Variants in RARB observed in about 807,000 individuals in gnomAD.
RARB encodes the protein HBV-activated protein.
Under a neutral mutation model 51.9 loss-of-function variants are expected in RARB, and 17 were observed. That is an observed-to-expected ratio of 0.33 (90% CI 0.22 to 0.49). The LOEUF (loss-of-function observed/expected upper bound fraction) is 0.49, where lower values mean the gene tolerates loss of function less well. Ranked by LOEUF, RARB falls within the 20% of genes least tolerant of loss-of-function variation. The pLI, the probability that RARB is intolerant of heterozygous loss-of-function variation, is 0.99. For missense variants in RARB, 369 were observed against 550.8 expected (o/e 0.67, Z 3.30); for synonymous variants, 215 against 195.4 (o/e 1.10, Z -0.84).
rs145389928 is a variant in RARB, at chr3:25,169,413, T to C, written c.-279-4706T>C. Among the ~76,000 whole-genome samples the C allele has an allele frequency of 4.3e-3, 658 of 152,306 alleles. 3 individuals are homozygous for C. Among genetic ancestry groups the C allele is most frequent in the African/African-American group, 0.015 (626 of 41,564 alleles). On this transcript the variant is annotated intron_variant, in intron 4 of 11. Coordinates refer to the RARB transcript ENST00000383772. ...ATGCCAGACAAAATTGCTGGAGACT[T>C]AGCAAAGAATTATTCACGGATATAA...
At chr3:25,274,795 G>A (rs995121196) in intron 5 of RARB, among the ~76,000 whole-genome samples, 8 of 152,154 alleles carry the variant, frequency 5.3e-5, no homozygotes, top group Non-Finnish European at 8.8e-5. Flanking sequence ...AATACAGGAA[G>A]GGGAGAGGAA....
At chr3:25,543,944 G>A (rs1699498233) in intron 3 of RARB, among the ~76,000 whole-genome samples, 1 of 152,204 alleles carries the variant, frequency 6.6e-6, no homozygotes, top group Non-Finnish European at 1.5e-5. Context: ...ATTTTAAAGA[G>A]TAATGAAAAA....
intron 5 of RARB, among the ~76,000 whole-genome samples, chr3:25,230,217 A>T (rs1702144545): frequency 6.6e-6 from 1 of 152,156 alleles, no homozygotes; most frequent in Non-Finnish European, 1.5e-5. Flanking sequence ...GATTAAGAAC[A>T]GCAAGATTAT....
chr3:25,068,115 CAG>C (rs1183779921), intron 3 of RARB, among the ~76,000 whole-genome samples: 1 of 109,784 alleles, frequency 9.1e-6, no homozygotes, highest in Non-Finnish European at 1.7e-5. Flanking sequence ...GCCTGGGCGA[CAG>C]AGAGAGACTC....
intron 5 of RARB, among the ~76,000 whole-genome samples, chr3:25,224,111 T>C (rs1702004417): frequency 2.6e-5 from 4 of 152,206 alleles, no homozygotes. Flanking sequence ...AAGAGGAAAC[T>C]GAACTCTTGA....
intron 5 of RARB, among the ~76,000 whole-genome samples, chr3:25,389,572 T>C (rs933747180): frequency 6.6e-6 from 1 of 152,158 alleles, no homozygotes; most frequent in African/African-American, 2.4e-5. Flanking sequence ...GAAGTTATCA[T>C]AGTACTTATA....
intron 1 of RARB, among the ~76,000 whole-genome samples, chr3:25,457,874 C>G (rs1438307543): frequency 1.3e-5 from 2 of 152,144 alleles, no homozygotes; most frequent in Non-Finnish European, 2.9e-5. Context: ...TTAAAACACA[C>G]CGCTCCCCAC....
chr3:25,001,946 T>A (rs1252107116), intron 2 of RARB, among the ~76,000 whole-genome samples: 153 of 152,178 alleles, frequency 1.0e-3, no homozygotes, highest in Middle Eastern at 3.4e-3. Context: ...TGTGGCTAAT[T>A]TTTTTATAGA....
chr3:24,998,272 AGTTT>A (rs931639632), intron 2 of RARB, among the ~76,000 whole-genome samples: 10 of 133,120 alleles, frequency 7.5e-5, no homozygotes, highest in Non-Finnish European at 1.1e-4. Context: ...TTTGACTTGT[AGTTT>A]GTTTTTTTTT....
chr3:24,958,696 C>G (rs1272493179), intron 2 of RARB, among the ~76,000 whole-genome samples: 1 of 152,150 alleles, frequency 6.6e-6, no homozygotes, highest in African/African-American at 2.4e-5. Flanking sequence ...GTTATAGAGT[C>G]CTGGAGTTTG....
At chr3:25,147,700 C>A (rs1437038660) in intron 4 of RARB, among the ~76,000 whole-genome samples, 2 of 152,088 alleles carry the variant, frequency 1.3e-5, no homozygotes, top group African/African-American at 4.8e-5. Flanking sequence ...TAAGGAATAC[C>A]TAGGCATCCT....
chr3:24,905,598 G>C (rs564553225), intron 2 of RARB, among the ~76,000 whole-genome samples: 1 of 152,196 alleles, frequency 6.6e-6, no homozygotes, highest in Non-Finnish European at 1.5e-5. Context: ...AAAGGAAAAG[G>C]ATAGTTTGAG....
At chr3:24,951,081 C>G (rs1695881613) in intron 2 of RARB, among the ~76,000 whole-genome samples, 1 of 152,100 alleles carries the variant, frequency 6.6e-6, no homozygotes, top group Non-Finnish European at 1.5e-5. Context: ...GGAGAAAATG[C>G]TTTGAAAGTA....
chr3:24,829,321 G>A (rs927110547), upstream of RARB, among the ~76,000 whole-genome samples: 2 of 151,908 alleles, frequency 1.3e-5, no homozygotes, highest in African/African-American at 4.8e-5. Flanking sequence ...GGCTCCCGCT[G>A]TCTGCTCTCA....
intron 3 of RARB, among the ~76,000 whole-genome samples, chr3:25,127,599 A>C (rs902935673): frequency 2.0e-5 from 3 of 152,042 alleles, no homozygotes; most frequent in Admixed American, 2.0e-4. Flanking sequence ...TATAAGCTCC[A>C]CAGGGGCTCC....
intron 2 of RARB, among the ~76,000 whole-genome samples, chr3:25,477,276 GCTGCC>G (rs1696000749): frequency 6.6e-6 from 1 of 152,310 alleles, no homozygotes; most frequent in East Asian, 1.9e-4. Context: ...TATCTTCCTA[GCTGCC>G]TATTGCCATG....
chr3:24,970,291 T>C (rs752901456), intron 2 of RARB, among the ~76,000 whole-genome samples: 2 of 152,006 alleles, frequency 1.3e-5, no homozygotes, highest in Non-Finnish European at 2.9e-5. Context: ...AAGTTTGAGG[T>C]GTAGGTATAG....
intron 5 of RARB, among the ~76,000 whole-genome samples, chr3:25,295,466 TC>T (rs1207807194): frequency 6.6e-6 from 1 of 152,198 alleles, no homozygotes; most frequent in African/African-American, 2.4e-5. Flanking sequence ...CTTCCCAGGC[TC>T]CACGACTGTG....
intron 5 of RARB, among the ~76,000 whole-genome samples, chr3:25,320,698 A>T (rs531872127): frequency 2.0e-5 from 3 of 152,332 alleles, no homozygotes; most frequent in East Asian, 3.9e-4. Context: ...AGAATTATTC[A>T]TGTTAACATA....
Sources: allele counts gnomAD v4.1 joint callset (sites outside exome capture counted in the v4.1 genomes callset), GRCh38; gene constraint gnomAD v4.1.1; transcripts MANE v1.5; gene names NCBI Gene and HGNC (gene_info 2026-07-23, HGNC 2026-07-21).